TSR1: variants seen among roughly 807,000 people sequenced by gnomAD.
The protein encoded by TSR1 is TSR1 ribosome maturation factor.
TSR1 carries 81 observed loss-of-function variants against 90.9 expected under a neutral mutation model. That is an observed-to-expected ratio of 0.89 (90% CI 0.74 to 1.07). The LOEUF (loss-of-function observed/expected upper bound fraction) is 1.07. Among genes scored for constraint, TSR1 ranks in the 50% least tolerant of loss-of-function variants. The probability of loss-of-function intolerance (pLI) is 0.00; values close to 1 mark genes in which losing one functional copy is unlikely to be tolerated. For missense variants in TSR1, 989 were observed against 987.3 expected, an observed-to-expected ratio of 1.00 and a Z score of -0.02; for synonymous variants, 362 against 348.8, an observed-to-expected ratio of 1.04 and a Z score of -0.42.
At chr17:2,331,977 CCA>C (rs2064007036) in intron 8 of TSR1, among the ~76,000 whole-genome samples, 190 bp downstream of exon 8, 1 of 152,178 alleles carries the variant, frequency 6.6e-6, no homozygotes, top group South Asian at 2.1e-4. Flanking sequence ...TGAGTCTGCA[CCA>C]CAGTCTAGAA....
In TSR1 at chr17:2,334,693, AT is replaced by A; in HGVS notation, c.759del (p.Phe254LeufsTer19). The A allele has an allele frequency of 6.2e-7, 1 of 1,613,616 alleles. No individual in the cohort carries two copies. On this transcript the variant is annotated frameshift_variant, in exon 5 of 15. Coordinates refer to ENST00000301364, the MANE Select transcript of TSR1 (RefSeq NM_018128.5). LOFTEE classifies it high-confidence loss of function. Reference protein sequence around the residue: ...HLAFRDRRAYLFAHAVDFVPS... With the variant: ...HLAFRDRRAYXFAHAVDFVPS... ...GGAACAAAATCAACAGCATGGGCAA[AT>A]AGGTAGGCCCGCCGATCTCGAAAAG...
rs2064046609 is a variant in TSR1, at chr17:2,335,296, G to C, written c.520C>G (p.Leu174Val). 1 of 1,614,000 alleles carries C rather than the reference G, an allele frequency of 6.2e-7. No individual in the cohort carries two copies. The highest frequency in any genetic ancestry group is 8.5e-7 in the Non-Finnish European group (1 of 1,180,034). Reference sequence around the variant, plus strand: ...AGGCCCTGAGCAAAGAGGCAGGAAAGACAGTAATCACCGGTGCTGTCCCAG... The same window carrying C: ...AGGCCCTGAGCAAAGAGGCAGGAAACACAGTAATCACCGGTGCTGTCCCAG... The part of the protein sequence containing the change: ...EGWDSTGDYC[L>V]SCLFAQGLPT... The change falls in exon 4 of 15, where the codon CTT becomes GTT. Residue 174 changes from leucine to valine, a missense_variant. Transcript: ENST00000301364.
Position 2,329,265 on chromosome 17 carries a change from A to G in TSR1, c.1903+78T>C, listed in dbSNP as rs567502287. On this transcript the variant is annotated intron_variant, in intron 11 of 14. Coordinates refer to ENST00000301364, the MANE Select transcript of TSR1 (RefSeq NM_018128.5). ...CAGAGATGTAAGATTTTGAAACCAT[A>G]TATTTTGGCACCCCTCCACCACAAG... The G allele has an allele frequency of 4.2e-5, 67 of 1,598,928 alleles. 3 individuals carry two copies. The highest frequency in any genetic ancestry group is 3.4e-4 in the African/African-American group (25 of 74,538).
At position 2,329,013 on chromosome 17, in the gene TSR1, G is replaced by A. The variant is rs2075590683; in HGVS notation, c.1903+330C>T. On this transcript the variant is annotated intron_variant, in intron 11 of 14. Coordinates refer to ENST00000301364, the MANE Select transcript of TSR1 (RefSeq NM_018128.5). ...TCAATTCCCCGTTCTAATGCCACAA[G>A]TGTTGGGATTACAGGTGTGAACCAC... The A allele has an allele frequency of 1.1e-5, 4 of 380,166 alleles. No individual in the cohort carries two copies. The South Asian group carries it at 1.2e-4, about 11-fold the overall frequency. The allele number at this position is 380,166 out of a possible 1,614,324, so 23.5% of individuals were successfully genotyped here. A position where few individuals can be genotyped will look rare whatever the true frequency, so the allele number is the denominator to read the frequency against.
rs1416504899 is a variant in TSR1 at position 2,332,321 on chromosome 17, CAT to C, written c.1342_1343del (p.Met448AspfsTer8). The C allele has an allele frequency of 1.9e-6, 3 of 1,607,390 alleles. No homozygotes were observed. The African/African-American group carries it at 4.0e-5, about 22-fold the overall frequency. ...SSEEEEEYET[M>X]TIGESVHDDL... ...CATCATGCACAGACTCCCCAATAGTCATAGTTTCATATTCTTCCTCTTCTTCA... is the reference window on the plus strand; with the variant it reads ...CATCATGCACAGACTCCCCAATAGTCAGTTTCATATTCTTCCTCTTCTTCA... On this transcript the variant is annotated frameshift_variant, in exon 8 of 15. Coordinates refer to ENST00000301364, the MANE Select transcript of TSR1 (RefSeq NM_018128.5). LOFTEE classifies it high-confidence loss of function.
At chr17:2,326,829 G>C (rs541366870) in intron 11 of TSR1, among the ~76,000 whole-genome samples, 1 of 152,200 alleles carries the variant, frequency 6.6e-6, no homozygotes, top group South Asian at 2.1e-4. Context: ...TTTTGGCCGG[G>C]CGCAGTGGCT....
intron 10 of TSR1, 149 bp downstream of exon 10, chr17:2,330,366 C>T (rs766180932): frequency 1.0e-5 from 8 of 775,146 alleles, no homozygotes; most frequent in Admixed American, 3.4e-5. Flanking sequence ...TCATTGACTT[C>T]TCTATTATTC....
At chr17:2,325,762 GCCA>G (rs2075572982) in intron 11 of TSR1, among the ~76,000 whole-genome samples, 2 of 152,074 alleles carry the variant, frequency 1.3e-5, no homozygotes, top group African/African-American at 4.8e-5. Flanking sequence ...ACAGGCACAT[GCCA>G]CCACGCCCGG....
chr17:2,336,137 C>G lies in TSR1; in HGVS notation c.101G>C (p.Arg34Pro), dbSNP rs199644073. The change falls in exon 2 of 15, where the codon CGT (arginine) becomes CCT (proline). Residue 34 changes from arginine to proline, a missense_variant. Coordinates refer to ENST00000301364, the MANE Select transcript of TSR1 (RefSeq NM_018128.5). The stretch of plus-strand genomic sequence containing the variant: ...CTTGCTTAGGGTTTTCAGTGCCAGA[C>G]GGCCTGAATGGCAGATTAGAAGGGG... ...RGSAQRDGKG[R>P]LALKTLSKKV... is the part of the protein sequence containing the mutation. 3 of 1,613,990 alleles carry G rather than the reference C, an allele frequency of 1.9e-6. No individual in the cohort carries two copies. The highest frequency in any genetic ancestry group is 1.3e-5 in the African/African-American group (1 of 74,928).
In TSR1 at chr17:2,333,433, G is replaced by A. The variant is rs1055026756; in HGVS notation, c.1141+124C>T. On this transcript the variant is annotated intron_variant, in intron 6 of 14. Transcript: ENST00000301364. Reference sequence around the variant, plus strand: ...TATTGAAAACATACAGCATTTGAGGGTGAGGAGAGACTTTCAACTATACCC... The same window carrying A: ...TATTGAAAACATACAGCATTTGAGGATGAGGAGAGACTTTCAACTATACCC... 9 of 1,150,648 alleles carry A rather than the reference G, an allele frequency of 7.8e-6. No individual in the cohort carries two copies. In the African/African-American group the frequency reaches 1.4e-4, roughly 17 times the overall value. 71.3% of individuals were successfully genotyped at this position (1,150,648 alleles called of 1,614,324 possible).
In TSR1 at chr17:2,336,416, G is replaced by C. The variant is rs1482313991; in HGVS notation, c.12C>G (p.His4Gln). 4 of 1,611,138 alleles carry C rather than the reference G, an allele frequency of 2.5e-6. No homozygotes were observed. The highest frequency in any genetic ancestry group is 3.4e-6 in the Non-Finnish European group (4 of 1,179,930). ...TCTGCTGCTTGAGCGGGCCGGGGCG[G>C]TGGGCCGCCATGCCGCAGCGCGCGT... MAA[H>Q]RPGPLKQQNK... Residue 4 changes from histidine to glutamine, a missense_variant, in exon 1 of 15, where the codon CAC (histidine) becomes CAG (glutamine). Physicochemically the swap from His to Gln is conservative, Grantham distance 24. Coordinates refer to ENST00000301364, the MANE Select transcript of TSR1 (RefSeq NM_018128.5).
At chr17:2,330,755 TCATTTACCCAGATCA>T in intron 9 of TSR1, 130 bp from the exon 10 acceptor site, 1 of 1,111,686 alleles carries the variant, frequency 9.0e-7, no homozygotes, top group South Asian at 1.5e-5. Context: ...TCAAGATGCT[TCATTTACCCAGATCA>T]CACTTTTTCA....
rs773861189 is a variant in TSR1, at chr17:2,334,792, G to A, written c.661C>T (p.Leu221Phe). The A allele has an allele frequency of 1.1e-5, 17 of 1,614,118 alleles. No individual in the cohort carries two copies. The highest frequency in any genetic ancestry group is 1.7e-5 in the Admixed American group (1 of 60,012). The change falls in exon 5 of 15, where the codon CTC becomes TTC. Residue 221 changes from leucine to phenylalanine, a missense_variant. Transcript: ENST00000301364. ...GCCTCCTGTTGAGTGTCTAACAAGA[G>A]GAGTTTGTCATGCGGAAAGCGCTTC... ...VEKRFPHDKLLLLDTQQEAGM... is the reference protein window; with the variant it reads ...VEKRFPHDKLFLLDTQQEAGM...
intron 5 of TSR1, among the ~76,000 whole-genome samples, chr17:2,334,180 T>C (rs532109389): frequency 8.5e-5 from 13 of 152,206 alleles, no homozygotes; most frequent in Non-Finnish European, 5.9e-5. Context: ...AACCATATGC[T>C]ATCTCAATCT....
intron 11 of TSR1, among the ~76,000 whole-genome samples, chr17:2,326,369 C>T (rs926227238): frequency 1.3e-5 from 2 of 152,080 alleles, no homozygotes; most frequent in Non-Finnish European, 2.9e-5. Flanking sequence ...GGCAACATAT[C>T]TTCCTGCTCC....
rs996860717 is a variant in TSR1, at chr17:2,324,992, T to A, written c.2021-163A>T. 4.1e-6 allele frequency: 3 copies of A among 730,554 alleles called. No homozygotes were observed. In the African/African-American group the frequency reaches 5.3e-5, roughly 13 times the overall value. The allele number at this position is 730,554 out of a possible 1,614,324, so 45.3% of individuals were successfully genotyped here. ...AACTGTAAGCCCACACTTAACCTTG[T>A]CAATAGGTTCTTGAAAACTTGTACT... On this transcript the variant is annotated intron_variant, in intron 12 of 14. Transcript: ENST00000301364.
intron 11 of TSR1, among the ~76,000 whole-genome samples, chr17:2,328,841 A>G (rs2075588977): frequency 1.4e-5 from 2 of 146,400 alleles, no homozygotes; most frequent in East Asian, 2.2e-4. Flanking sequence ...GTGTAAGTAA[A>G]CCTGAGAGGC....
At chr17:2,326,957 T>C (rs1439361891) in intron 11 of TSR1, among the ~76,000 whole-genome samples, 1 of 151,184 alleles carries the variant, frequency 6.6e-6, no homozygotes. Flanking sequence ...ATAGAAAAAT[T>C]AGCTAGGCAT....
intron 11 of TSR1, 28 bp downstream of exon 11, chr17:2,329,315 A>T (rs945155085): frequency 2.5e-6 from 4 of 1,612,930 alleles, no homozygotes; most frequent in Admixed American, 3.3e-5. Context: ...GACAAGATGG[A>T]CAAGAACCCA....
Sources: gnomAD v4.1 joint callset for allele counts (sites outside exome capture counted in the v4.1 genomes callset) on GRCh38, gnomAD v4.1.1 for gene constraint, MANE v1.5 for transcripts, NCBI Gene and HGNC (gene_info 2026-07-23, HGNC 2026-07-21) for gene names.